Variants in USP51 observed in about 807,000 individuals in gnomAD.
USP51 encodes ubiquitin specific peptidase 51.
Under a neutral mutation model 17.6 loss-of-function variants are expected in USP51, and 5 were observed. The observed-to-expected ratio is 0.28, with a 90% CI of 0.15 to 0.60. USP51 has a LOEUF of 0.60. Ranked by LOEUF, USP51 falls within the 20% of genes least tolerant of loss-of-function variation. The pLI is 0.88. For synonymous variants in USP51, 248 were observed against 216.1 expected (o/e 1.15, Z -1.29); for missense variants, 459 against 559.5 (o/e 0.82, Z 1.81).
Position 55,487,212 on chromosome X carries a change from G to A in USP51, c.1728C>T (p.Tyr576=), listed in dbSNP as rs777839236. Residue 576 remains tyrosine, a synonymous_variant, in exon 3 of 3, where the codon TAC becomes TAT. Coordinates refer to ENST00000500968, the MANE Select transcript of USP51 (RefSeq NM_201286.4). ...TTGTGAGCTGTTTAGTAGACTCCTG[G>A]TAGCTTTGGCAACTATTGCATTTGA... The part of the protein sequence containing the change: ...AKIKCNSCQS[Y]QESTKQLTMK... The A allele has an allele frequency of 1.1e-5, 13 of 1,210,199 alleles. No homozygotes were observed. The African/African-American group carries it at 2.1e-4, about 20-fold the overall frequency.
rs778896426 is a variant in USP51 at position 55,488,595 on chromosome X, G to A, written c.345C>T (p.Arg115=). The A allele has an allele frequency of 1.0e-5, 11 of 1,098,992 alleles. No individual in the cohort carries two copies. The highest frequency in any genetic ancestry group is 1.3e-5 in the Non-Finnish European group (11 of 843,829). 90.6% of individuals were successfully genotyped at this position (1,098,992 alleles called of 1,213,427 possible). The change falls in exon 3 of 3, where the codon CGC becomes CGT. Residue 115 remains arginine (R), a synonymous_variant. Transcript: ENST00000500968. The part of the protein sequence containing the change: ...RPRPQPRARS[R]SQPGLSAPPP... ...GTGGGGCCGAGAGCCCAGGCTGGCT[G>A]CGGGAGCGGGCCCGGGGCTGGGGCC...
At position 55,487,365 on chromosome X, in the gene USP51, G is replaced by C. The variant is rs372008917; in HGVS notation, c.1575C>G (p.Phe525Leu). The stretch of plus-strand genomic sequence containing the variant: ...CAGCCCTCTCTGGGTTCTGGGAATC[G>C]AATGTGGCACAAGAGCCAGGCAAGT... ...SLDLPGSCAT[F>L]DSQNPERADS... Residue 525 changes from phenylalanine to leucine, a missense_variant, in exon 3 of 3, where the codon TTC (phenylalanine) becomes TTG (leucine). Phe to Leu is a conservative substitution (Grantham distance 22). Around this residue, in one of 2 missense-constraint regions of USP51, gnomAD observed 227 missense variants for 365.5 expected, o/e 0.62. Coordinates refer to ENST00000500968, the MANE Select transcript of USP51 (RefSeq NM_201286.4). 2 of 1,211,785 alleles carry C rather than the reference G, an allele frequency of 1.7e-6. No individual in the cohort carries two copies. Among genetic ancestry groups the C allele is most frequent in the Non-Finnish European group, 2.2e-6 (2 of 895,527 alleles).
At chrX:55,489,750 G>C (rs945967691) in intron 1 of USP51, among the ~76,000 whole-genome samples, 26 bp downstream of exon 1, 1 of 111,707 alleles carries the variant, frequency 9.0e-6, no homozygotes, top group Non-Finnish European at 1.9e-5. Flanking sequence ...CCCCAGCCCG[G>C]CAGTTTGTTT....
rs1448721553 is a variant in USP51 at position 55,486,584 on chromosome X, C to T, written c.*220G>A. 1 of 396,942 alleles carries T rather than the reference C, an allele frequency of 2.5e-6. No individual in the cohort carries two copies. Among genetic ancestry groups the T allele is most frequent in the African/African-American group, 2.5e-5 (1 of 39,360 alleles). 32.7% of individuals were successfully genotyped at this position (396,942 alleles called of 1,213,427 possible). A position where few individuals can be genotyped will look rare whatever the true frequency, so the allele number is the denominator to read the frequency against. ...TGCTTTATGTGACCATTTTCAACCT[C>T]TTCTCCCTCTCCCCATTTCTTAAGG... is the stretch of plus-strand genomic sequence containing the variant. On this transcript the variant is annotated 3_prime_UTR_variant, in exon 3 of 3. Coordinates refer to ENST00000500968, the MANE Select transcript of USP51 (RefSeq NM_201286.4).
chrX:55,488,430 T>G lies in USP51; in HGVS notation c.510A>C (p.Leu170=). 1 of 1,211,381 alleles carries G rather than the reference T, an allele frequency of 8.3e-7. No individual in the cohort carries two copies. Among genetic ancestry groups the G allele is most frequent in the East Asian group, 3.0e-5 (1 of 33,822 alleles). Residue 170 remains leucine (L), a synonymous_variant, in exon 3 of 3, where the codon CTA becomes CTC. Transcript: ENST00000500968. Reference sequence around the variant, plus strand: ...AGCCGCCAGGATCCCCCGACCCGTCTAGGTCACCAGAGCAGCTTCTCCGTG... The same window carrying G: ...AGCCGCCAGGATCCCCCGACCCGTCGAGGTCACCAGAGCAGCTTCTCCGTG... ...PQTRRSCSGD[L]DGSGDPGGLG...
In USP51 at chrX:55,488,054, C is replaced by G. The variant is rs1159512992; in HGVS notation, c.886G>C (p.Asp296His). 7 of 1,209,927 alleles carry G rather than the reference C, an allele frequency of 5.8e-6. No individual in the cohort carries two copies. The highest frequency in any genetic ancestry group is 1.8e-5 in the South Asian group (1 of 56,708). ...GTTTCTTTGGCAATCTGTTCTATGT[C>G]TTTGTCATATACATAATCCTTACAC... is the stretch of plus-strand genomic sequence containing the variant. ...FMCKDYVYDK[D>H]IEQIAKETKE... Residue 296 changes from aspartate to histidine, a missense_variant, in exon 3 of 3, where the codon GAC becomes CAC. Asp to His is a moderately conservative substitution (Grantham distance 81). This residue lies in a region of USP51 where 227 missense variants were observed against 365.5 expected (regional missense o/e 0.62). Transcript: ENST00000500968.
chrX:55,488,374 C>G lies in USP51; in HGVS notation c.566G>C (p.Gly189Ala), dbSNP rs1216408431. 8.3e-7 allele frequency: 1 copy of G among 1,209,962 alleles called. No individual in the cohort carries two copies. Among genetic ancestry groups the G allele is most frequent in the African/African-American group, 1.7e-5 (1 of 57,374 alleles). The change falls in exon 3 of 3, where the codon GGT becomes GCT. Residue 189 changes from glycine (G) to alanine (A), a missense_variant. This residue lies in a region of USP51 where 232 missense variants were observed against 194.0 expected (regional missense o/e 1.20). Transcript: ENST00000500968. Reference sequence around the variant, plus strand: ...ATGAGAGCAGCCTGTGGGACCCTGACCAAACTCGACCTCCAGCAACCAGTC... The same window carrying G: ...ATGAGAGCAGCCTGTGGGACCCTGAGCAAACTCGACCTCCAGCAACCAGTC... Reference protein sequence around the residue: ...LGDWLLEVEFGQGPTGCSHVE... With the variant: ...LGDWLLEVEFAQGPTGCSHVE...
In USP51 at chrX:55,488,139, T is replaced by C. The variant is rs1385058698; in HGVS notation, c.801A>G (p.Ala267=). 1.7e-6 allele frequency: 2 copies of C among 1,212,106 alleles called. No homozygotes were observed. The highest frequency in any genetic ancestry group is 3.5e-5 in the African/African-American group (2 of 57,850). ...CAGCTAAATGGTGCTGCTTTGTTTC[T>C]GCATGTTTGTGAATATGTTTCTCAG... The part of the protein sequence containing the change: ...CFTEKHIHKH[A]ETKQHHLAVD... The change falls in exon 3 of 3, where the codon GCA becomes GCG. Residue 267 remains alanine, a synonymous_variant. Coordinates refer to ENST00000500968, the MANE Select transcript of USP51 (RefSeq NM_201286.4).
In USP51 at chrX:55,488,997, GA is replaced by G. The variant is rs2031381831; in HGVS notation, c.-49-10del. On this transcript the variant is annotated splice_polypyrimidine_tract_variant and intron_variant, in intron 2 of 2. Coordinates refer to ENST00000500968, the MANE Select transcript of USP51 (RefSeq NM_201286.4). ...CTGGAAAACAGCTGCGACTGTAGAT[GA>G]AAGGAGACAGAGACTTCTGTGAATG... 2.6e-6 allele frequency: 3 copies of G among 1,156,313 alleles called. No individual in the cohort carries two copies. Among genetic ancestry groups the G allele is most frequent in the Admixed American group, 5.1e-5 (2 of 39,259 alleles).
chrX:55,489,016 T>A (rs1221946188), intron 2 of USP51, 28 bp from the exon 3 acceptor site: 22 of 1,131,506 alleles, frequency 1.9e-5, no homozygotes, highest in Non-Finnish European at 2.6e-5. Flanking sequence ...CAGAGACTTC[T>A]GTGAATGATC....
In USP51 at chrX:55,485,346, A is replaced by G. The variant is rs968126030; in HGVS notation, c.*1458T>C. ...TTGATTCTGCCTAGGAAGTAATTTGACTTCCTTCAGGATATGAGATGGGGC... is the reference window on the plus strand; with the variant it reads ...TTGATTCTGCCTAGGAAGTAATTTGGCTTCCTTCAGGATATGAGATGGGGC... On this transcript the variant is annotated 3_prime_UTR_variant, in exon 3 of 3. Transcript: ENST00000500968. The G allele has an allele frequency of 9.0e-6, 1 of 111,600 alleles. No individual in the cohort carries two copies. The highest frequency in any genetic ancestry group is 1.9e-5 in the Non-Finnish European group (1 of 53,088). The allele number at this position is 111,600 out of a possible 1,213,427, so 9.2% of individuals were successfully genotyped here.
At position 55,487,343 on chromosome X, in the gene USP51, C is replaced by T. The variant is rs1191878550; in HGVS notation, c.1597G>A (p.Ala533Thr). 1 of 1,211,569 alleles carries T rather than the reference C, an allele frequency of 8.3e-7. No individual in the cohort carries two copies. Among genetic ancestry groups the T allele is most frequent in the South Asian group, 1.8e-5 (1 of 56,909 alleles). ...TCATCCCTGCTCACTGTGCTGTCAG[C>T]CCTCTCTGGGTTCTGGGAATCGAAT... is the stretch of plus-strand genomic sequence containing the variant. ...ATFDSQNPER[A>T]DSTVSRDDHI... is the part of the protein sequence containing the mutation. The change falls in exon 3 of 3, where the codon GCT becomes ACT. Residue 533 changes from alanine (A) to threonine (T), a missense_variant. Physicochemically the swap from Ala to Thr is moderately conservative, Grantham distance 58. Transcript: ENST00000500968.
At position 55,488,495 on chromosome X, in the gene USP51, C is replaced by T. The variant is rs753063930; in HGVS notation, c.445G>A (p.Gly149Arg). ...PPAPRPRAWR[G>R]SRRRSRPGSR... ...CCAGGCCGGGATCTGCGCCGGGATC[C>T]ACGCCAGGCCCTGGGCCGCGGTGCG... is the stretch of plus-strand genomic sequence containing the variant. Residue 149 changes from glycine (G) to arginine (R), a missense_variant, in exon 3 of 3, where the codon GGA (glycine) becomes AGA (arginine). Physicochemically the swap from Gly to Arg is moderately radical, Grantham distance 125. Transcript: ENST00000500968. 8.4e-7 allele frequency: 1 copy of T among 1,192,219 alleles called. No homozygotes were observed. The highest frequency in any genetic ancestry group is 1.1e-6 in the Non-Finnish European group (1 of 885,601).
Position 55,488,572 on chromosome X carries a change from G to A in USP51, c.368C>T (p.Pro123Leu), listed in dbSNP as rs757510621. 9.6e-4 allele frequency: 1,000 copies of A among 1,037,775 alleles called. 1 individual carries two copies. Among genetic ancestry groups the A allele is most frequent in the Non-Finnish European group, 1.2e-3 (986 of 817,044 alleles). The allele number at this position is 1,037,775 out of a possible 1,213,427, so 85.5% of individuals were successfully genotyped here. A position where few individuals can be genotyped will look rare whatever the true frequency, so the allele number is the denominator to read the frequency against. Residue 123 changes from proline to leucine, a missense_variant, in exon 3 of 3, where the codon CCA becomes CTA. Pro to Leu is a moderately conservative substitution (Grantham distance 98). Around this residue, in one of 2 missense-constraint regions of USP51, gnomAD observed 232 missense variants for 194.0 expected, o/e 1.20. Transcript: ENST00000500968. Reference protein sequence around the residue: ...RSRSQPGLSAPPPPPARPPPP... With the variant: ...RSRSQPGLSALPPPPARPPPP... ...CGGGGGCCGGGCTGGAGGCGGGGGT[G>A]GGGCCGAGAGCCCAGGCTGGCTGCG... is the stretch of plus-strand genomic sequence containing the variant.
At chrX:55,489,611 C>G (rs1249621101) in intron 1 of USP51, among the ~76,000 whole-genome samples, 165 bp downstream of exon 1, 2 of 111,952 alleles carry the variant, frequency 1.8e-5, no homozygotes, top group South Asian at 3.8e-4. Context: ...ACTTCAATTC[C>G]TATGATTTCT....
rs1163298650 is a variant in USP51 at position 55,485,910 on chromosome X, T to C, written c.*894A>G. ...TCTTTTAAAACTTTTCTCTAAAATC[T>C]GAATTGCATTCCATTCTGTATTTTT... On this transcript the variant is annotated 3_prime_UTR_variant, in exon 3 of 3. Coordinates refer to ENST00000500968, the MANE Select transcript of USP51 (RefSeq NM_201286.4). The C allele has an allele frequency of 3.6e-5, 4 of 111,502 alleles. No homozygotes were observed. The highest frequency in any genetic ancestry group is 5.6e-4 in the East Asian group (2 of 3,580). 9.2% of individuals were successfully genotyped at this position (111,502 alleles called of 1,213,427 possible). A position where few individuals can be genotyped will look rare whatever the true frequency, so the allele number is the denominator to read the frequency against.
At position 55,488,640 on chromosome X, in the gene USP51, C is replaced by G; in HGVS notation, c.300G>C (p.Pro100=). Residue 100 remains proline, a synonymous_variant, in exon 3 of 3, where the codon CCG becomes CCC. Coordinates refer to ENST00000500968, the MANE Select transcript of USP51 (RefSeq NM_201286.4). ...RCHSSSSPVC[P]RRKPRPRPQP... is the part of the protein sequence containing the mutation. The stretch of plus-strand genomic sequence containing the variant: ...GGGGCCGAGGGCGGGGCTTGCGGCG[C>G]GGGCAAACGGGCGAGGAGCTGCTGT... 8.5e-7 allele frequency: 1 copy of G among 1,174,186 alleles called. No individual in the cohort carries two copies.
chrX:55,489,067 G>A (rs977365896), intron 2 of USP51, 79 bp from the exon 3 acceptor site: 7 of 954,322 alleles, frequency 7.3e-6, no homozygotes, highest in Non-Finnish European at 9.9e-6. Flanking sequence ...AGCGCCCCCA[G>A]GACCCCTCCC....
chrX:55,488,596 C>T lies in USP51; in HGVS notation c.344G>A (p.Arg115His). ...TGGGGCCGAGAGCCCAGGCTGGCTG[C>T]GGGAGCGGGCCCGGGGCTGGGGCCG... is the stretch of plus-strand genomic sequence containing the variant. ...RPRPQPRARS[R>H]SQPGLSAPPP... Residue 115 changes from arginine to histidine, a missense_variant, in exon 3 of 3, where the codon CGC becomes CAC. Physicochemically the swap from Arg to His is conservative, Grantham distance 29. Transcript: ENST00000500968. 9.1e-7 allele frequency: 1 copy of T among 1,097,209 alleles called. No homozygotes were observed. Among genetic ancestry groups the T allele is most frequent in the South Asian group, 2.2e-5 (1 of 44,708 alleles). The allele number at this position is 1,097,209 out of a possible 1,213,427, so 90.4% of individuals were successfully genotyped here. A position where few individuals can be genotyped will look rare whatever the true frequency, so the allele number is the denominator to read the frequency against.
Sources: allele counts gnomAD v4.1 joint callset (sites outside exome capture counted in the v4.1 genomes callset), GRCh38; gene constraint gnomAD v4.1.1; regional missense constraint gnomAD v4.1.1; transcripts MANE v1.5; gene names NCBI Gene and HGNC (gene_info 2026-07-23, HGNC 2026-07-21).